ABCG2: variants seen among roughly 807,000 people sequenced by gnomAD.
ABCG2 encodes the protein ATP binding cassette subfamily G member 2 (JR blood group).
Under a neutral mutation model 73.5 loss-of-function variants are expected in ABCG2, and 80 were observed. That is an observed-to-expected ratio of 1.09 (90% CI 0.91 to 1.31). The LOEUF (loss-of-function observed/expected upper bound fraction) is 1.31, where lower values mean the gene tolerates loss of function less well. Ranked by LOEUF, ABCG2 falls within the 50% of genes most tolerant of loss-of-function variation. The pLI is 0.00. For missense variants in ABCG2, 796 were observed against 786.2 expected (o/e 1.01, Z -0.15); for synonymous variants, 269 against 282.4 (o/e 0.95, Z 0.48).
intron 1 of ABCG2, among the ~76,000 whole-genome samples, chr4:88,150,092 A>T (rs1726349484): frequency 6.6e-6 from 1 of 152,146 alleles, no homozygotes; most frequent in African/African-American, 2.4e-5. Context: ...AGGTGGGTGG[A>T]TTGCTTGAGG....
chr4:88,186,913 C>T (rs796661861), intron 1 of ABCG2, among the ~76,000 whole-genome samples: 2 of 63,736 alleles, frequency 3.1e-5, no homozygotes, highest in South Asian at 7.5e-4. Flanking sequence ...AGCGAGACTC[C>T]GTCTCAAAAA....
chr4:88,211,358 G>GGGGGGGGGCC, intron 1 of ABCG2, among the ~76,000 whole-genome samples: 1 of 33,674 alleles, frequency 3.0e-5, no homozygotes, highest in South Asian at 1.5e-3. Context: ...TTCAACCCCT[G>GGGGGGGGGCC]CCCCACCCCC....
At chr4:88,103,485 G>A (rs771199079) in intron 10 of ABCG2, among the ~76,000 whole-genome samples, 15 of 151,608 alleles carry the variant, frequency 9.9e-5, no homozygotes, top group Non-Finnish European at 1.8e-4. Flanking sequence ...ATATTTGTGG[G>A]GTACCAAGTT....
At chr4:88,180,169 G>A (rs1055621733) in intron 1 of ABCG2, among the ~76,000 whole-genome samples, 1 of 152,048 alleles carries the variant, frequency 6.6e-6, no homozygotes, top group African/African-American at 2.4e-5. Flanking sequence ...GATCCTAAAA[G>A]CAGCAAGAGA....
intron 2 of ABCG2, among the ~76,000 whole-genome samples, chr4:88,138,036 C>T (rs1270243437): frequency 6.6e-6 from 1 of 152,070 alleles, no homozygotes; most frequent in Admixed American, 6.6e-5. Context: ...CATCTAGCTA[C>T]TCCAGAGGCT....
intron 1 of ABCG2, among the ~76,000 whole-genome samples, chr4:88,225,597 C>G (rs1034873306): frequency 1.2e-4 from 19 of 152,286 alleles, no homozygotes; most frequent in African/African-American, 4.1e-4. Flanking sequence ...TAGACTGTAT[C>G]TTAGTTCTCA....
chr4:88,163,428 G>A (rs1025361161), upstream of ABCG2, among the ~76,000 whole-genome samples: 38 of 152,188 alleles, frequency 2.5e-4, no homozygotes, highest in Non-Finnish European at 4.9e-4. Flanking sequence ...TGCATGCCAA[G>A]AGGACAAGCC....
At chr4:88,115,820 G>A (rs1723539596) in intron 7 of ABCG2, among the ~76,000 whole-genome samples, 3 of 152,114 alleles carry the variant, frequency 2.0e-5, no homozygotes, top group African/African-American at 7.2e-5. Context: ...GCCCAGGTGT[G>A]TTCTGCTCTC....
chr4:88,121,756 C>A lies in ABCG2; in HGVS notation c.568G>T (p.Glu190Ter). 2.5e-6 allele frequency: 4 copies of A among 1,613,706 alleles called. No homozygotes were observed. The highest frequency in any genetic ancestry group is 3.4e-6 in the Non-Finnish European group (4 of 1,179,860). Reference sequence around the variant, plus strand: ...ATTCCTATACTAGTCCTTTTTCTTTCTCCTCCAGACACACCACGGATAAAC... The same window carrying A: ...ATTCCTATACTAGTCCTTTTTCTTTATCCTCCAGACACACCACGGATAAAC... ...TQFIRGVSGG[E>*]RKRTSIGMEL... Residue 190 changes from glutamate to a stop codon, truncating the protein, a stop_gained, in exon 6 of 16, where the codon GAA (glutamate) becomes TAA (stop). Coordinates refer to ENST00000237612, the MANE Select transcript of ABCG2 (RefSeq NM_004827.3). LOFTEE classifies it high-confidence loss of function.
intron 1 of ABCG2, among the ~76,000 whole-genome samples, chr4:88,187,142 G>C (rs1436113107): frequency 1.3e-5 from 2 of 148,586 alleles, no homozygotes; most frequent in Non-Finnish European, 3.0e-5. Flanking sequence ...CAGAGACTGG[G>C]AAGGTAGTGT....
At chr4:88,097,346 C>T in intron 13 of ABCG2, 107 bp downstream of exon 13, 2 of 1,277,558 alleles carry the variant, frequency 1.6e-6, no homozygotes, top group South Asian at 1.5e-5. Context: ...AAAGCAGAGC[C>T]CCATTTACAG....
chr4:88,148,931 C>T (rs561793187), intron 1 of ABCG2, among the ~76,000 whole-genome samples: 24 of 152,302 alleles, frequency 1.6e-4, no homozygotes, highest in Middle Eastern at 3.4e-3. Context: ...CTTAATTTTT[C>T]AGCTTAATCT....
intron 6 of ABCG2, 118 bp downstream of exon 6, chr4:88,121,517 A>T: frequency 1.0e-6 from 1 of 971,692 alleles, no homozygotes; most frequent in African/African-American, 1.7e-5. Context: ...ACTGACTTTC[A>T]CTCCAACAGA....
intron 10 of ABCG2, among the ~76,000 whole-genome samples, chr4:88,105,829 ACTC>A (rs1183994376): frequency 6.6e-6 from 1 of 152,154 alleles, no homozygotes; most frequent in African/African-American, 2.4e-5. Flanking sequence ...AATATAAAGC[ACTC>A]CTACAACTCA....
At chr4:88,212,606 C>T (rs1729648939) in intron 1 of ABCG2, among the ~76,000 whole-genome samples, 1 of 152,136 alleles carries the variant, frequency 6.6e-6, no homozygotes, top group South Asian at 2.1e-4. Context: ...TCCGGCAAAC[C>T]TTTGACCTTG....
chr4:88,202,164 GCTA>G (rs2110115375), intron 1 of ABCG2, among the ~76,000 whole-genome samples: 2 of 151,450 alleles, frequency 1.3e-5, no homozygotes, highest in African/African-American at 4.8e-5. Context: ...CATCCAACCT[GCTA>G]CTAATGGATA....
At chr4:88,096,022 G>A (rs1017454633) in intron 13 of ABCG2, among the ~76,000 whole-genome samples, 3 of 152,152 alleles carry the variant, frequency 2.0e-5, no homozygotes, top group African/African-American at 7.2e-5. Flanking sequence ...TAAATCCTGA[G>A]CGTCACATGC....
intron 1 of ABCG2, among the ~76,000 whole-genome samples, chr4:88,153,394 T>C (rs6846924): frequency 0.81 from 122,289 of 151,620 alleles, 49,713 homozygotes; most frequent in African/African-American, 0.9. Flanking sequence ...TGGGCTGTAT[T>C]TTGTCGCATT....
At chr4:88,158,358 A>G (rs1727092906) in intron 1 of ABCG2, 28 bp downstream of exon 1, 1 of 366,998 alleles carries the variant, frequency 2.7e-6, no homozygotes, top group Admixed American at 3.2e-5. Flanking sequence ...ACACACTCTC[A>G]GCGAAACTGG....
Sources: allele counts gnomAD v4.1 joint callset (sites outside exome capture counted in the v4.1 genomes callset), GRCh38; gene constraint gnomAD v4.1.1; transcripts MANE v1.5; gene names NCBI Gene and HGNC (gene_info 2026-07-23, HGNC 2026-07-21).